Variants in RNF213 observed in about 807,000 individuals in gnomAD.
The protein encoded by RNF213 is E3 ubiquitin-protein ligase RNF213.
Under a neutral mutation model 514.4 loss-of-function variants are expected in RNF213, and 341 were observed. The observed-to-expected ratio is 0.66, with a 90% CI of 0.61 to 0.73. The LOEUF (loss-of-function observed/expected upper bound fraction) is 0.73. Ranked by LOEUF, RNF213 falls within the 30% of genes least tolerant of loss-of-function variation. The probability of loss-of-function intolerance (pLI) is 0.00; values close to 1 mark genes in which losing one functional copy is unlikely to be tolerated. For synonymous variants in RNF213, 2,655 were observed against 2,658.2 expected (o/e 1.00, Z 0.04); for missense variants, 5,767 against 6,615.6 (o/e 0.87, Z 4.45).
chr17:80,375,356 T>C (rs2079704434), intron 50 of RNF213, among the ~76,000 whole-genome samples: 1 of 152,184 alleles, frequency 6.6e-6, no homozygotes, highest in African/African-American at 2.4e-5. Flanking sequence ...GGCTGAGGCA[T>C]GTGAAAAGTT....
At chr17:80,295,038 G>A (rs753181825) in intron 9 of RNF213, 35 bp downstream of exon 9, 2 of 1,612,990 alleles carry the variant, frequency 1.2e-6, no homozygotes, top group Non-Finnish European at 1.7e-6. Context: ...CTACCTGCTG[G>A]GCAGGAGCCA....
At position 80,386,435 on chromosome 17, in the gene RNF213, G is replaced by A; in HGVS notation, c.14720+5G>A. On this transcript the variant is annotated splice_donor_5th_base_variant and intron_variant, in intron 62 of 67. Transcript: ENST00000582970. ...ACTCTCCAAGGAAAACAACAGGTTT[G>A]TGCACGAGCCACCAGGAAGTGGTGC... 2 of 1,614,076 alleles carry A rather than the reference G, an allele frequency of 1.2e-6. No individual in the cohort carries two copies. Among genetic ancestry groups the A allele is most frequent in the Non-Finnish European group, 1.7e-6 (2 of 1,180,020 alleles).
chr17:80,384,634 A>G (rs778592934), intron 59 of RNF213, among the ~76,000 whole-genome samples: 1 of 152,164 alleles, frequency 6.6e-6, no homozygotes, highest in Admixed American at 6.5e-5. Flanking sequence ...ACTACGTCGA[A>G]GATGCTTAGA....
intron 57 of RNF213, chr17:80,382,768 AG>A: frequency 2.0e-6 from 1 of 501,168 alleles, no homozygotes; most frequent in South Asian, 2.1e-5. Flanking sequence ...TATGTAGGAT[AG>A]AGGAATTTTT....
intron 57 of RNF213, chr17:80,381,945 G>T (rs572713059): frequency 7.8e-5 from 45 of 579,856 alleles, no homozygotes; most frequent in African/African-American, 6.3e-4. Context: ...GAGGCTGGAA[G>T]GAGCTGCTCT....
intron 17 of RNF213, chr17:80,319,864 A>G (rs188787035): frequency 6.0e-6 from 7 of 1,159,564 alleles, no homozygotes; most frequent in African/African-American, 1.6e-5. Context: ...CACATTTCCT[A>G]ATTGGACACT....
intron 3 of RNF213, among the ~76,000 whole-genome samples, chr17:80,273,953 C>T (rs2145153524): frequency 6.6e-6 from 1 of 152,248 alleles, no homozygotes; most frequent in East Asian, 1.9e-4. Flanking sequence ...AGACCCAATA[C>T]TCGTGTGTCT....
At chr17:80,319,794 G>T in intron 17 of RNF213, 1 of 1,233,842 alleles carries the variant, frequency 8.1e-7, no homozygotes, top group Non-Finnish European at 1.0e-6. Flanking sequence ...TGTCTCCCAG[G>T]AACAGTCTCG....
At position 80,313,074 on chromosome 17, in the gene RNF213, C is replaced by T. The variant is rs776923595; in HGVS notation, c.2718C>T (p.Thr906=). 1 of 1,614,090 alleles carries T rather than the reference C, an allele frequency of 6.2e-7. No individual in the cohort carries two copies. The highest frequency in any genetic ancestry group is 1.1e-5 in the South Asian group (1 of 91,082). The change falls in exon 15 of 68, where the codon ACC becomes ACT. Residue 906 remains threonine, a synonymous_variant. Transcript: ENST00000582970. The part of the protein sequence containing the change: ...NNSVQTVFQG[T]LAATKRWLRE... ...CAGTCCAAACAGTCTTCCAAGGGAC[C>T]CTTGCTGCTACGAAAAGGTGGCTCC...
intron 14 of RNF213, among the ~76,000 whole-genome samples, chr17:80,309,377 C>T (rs888573353): frequency 1.3e-5 from 2 of 152,142 alleles, no homozygotes; most frequent in Non-Finnish European, 2.9e-5. Flanking sequence ...GTCTGCCCTT[C>T]TGCCACCTTG....
Position 80,344,102 on chromosome 17 carries a change from ACT to A in RNF213, c.6342+89_6342+90del. On this transcript the variant is annotated intron_variant, in intron 28 of 67. Transcript: ENST00000582970. ...TGAAGTGGAATGGCGCGTTTAGGAG[ACT>A]CCACATCTTTGCCTTACTTAGTGCA... 3 of 1,413,804 alleles carry A rather than the reference ACT, an allele frequency of 2.1e-6. No homozygotes were observed. The South Asian group carries it at 3.9e-5, about 19-fold the overall frequency. The allele number at this position is 1,413,804 out of a possible 1,614,324, so 87.6% of individuals were successfully genotyped here.
rs140103634 is a variant in RNF213, at chr17:80,317,753, T to G, written c.2901+476T>G. 4.4e-4 allele frequency among the ~76,000 whole-genome samples: 67 copies of G among 152,280 alleles called. No individual in the cohort carries two copies. In the East Asian group the frequency reaches 0.013, roughly 29 times the overall value. ...TTACAGTGCTCTCTTAGCTCCGCCG[T>G]CTATGGACAGTAGTGTGTTATCAGC... is the stretch of plus-strand genomic sequence containing the variant. On this transcript the variant is annotated intron_variant, in intron 16 of 67. Coordinates refer to ENST00000582970, the MANE Select transcript of RNF213 (RefSeq NM_001256071.3). This position sits in a 1 kb window ranked among gnomAD's most constrained non-coding sequence, Gnocchi z 4.1.
intron 2 of RNF213, among the ~76,000 whole-genome samples, chr17:80,266,284 AAAAAAAG>A (rs970742952): frequency 6.6e-6 from 1 of 151,400 alleles, no homozygotes; most frequent in African/African-American, 2.4e-5. Flanking sequence ...TCTACAAAAA[AAAAAAAG>A]AAAAAAAAAT....
At chr17:80,379,010 C>T (rs962902609) in intron 54 of RNF213, among the ~76,000 whole-genome samples, 4 of 151,984 alleles carry the variant, frequency 2.6e-5, no homozygotes, top group Non-Finnish European at 5.9e-5. Flanking sequence ...CCCGTCTCTA[C>T]AAAAAAACAC....
chr17:80,391,978 G>C (rs1216181921), intron 67 of RNF213, among the ~76,000 whole-genome samples: 1 of 151,930 alleles, frequency 6.6e-6, no homozygotes, highest in Non-Finnish European at 1.5e-5. Flanking sequence ...ATGTTGACCA[G>C]GCTGGTCTCG....
At chr17:80,383,109 C>A in intron 58 of RNF213, 39 bp downstream of exon 58, 1 of 1,463,038 alleles carries the variant, frequency 6.8e-7, no homozygotes, top group South Asian at 1.1e-5. Context: ...GCTCCTCGGT[C>A]CAGAAAGGAA....
At chr17:80,334,367 G>A in intron 22 of RNF213, 97 bp downstream of exon 22, 8 of 1,323,690 alleles carry the variant, frequency 6.0e-6, no homozygotes, top group Non-Finnish European at 6.1e-6. Context: ...ACCTCCCCTT[G>A]GCCAAGGACT....
Position 80,346,809 on chromosome 17 carries a change from G to A in RNF213, c.8474G>A (p.Cys2825Tyr), listed in dbSNP as rs1489839876. 1.2e-6 allele frequency: 2 copies of A among 1,614,098 alleles called. No individual in the cohort carries two copies. The highest frequency in any genetic ancestry group is 1.7e-6 in the Non-Finnish European group (2 of 1,180,028). Residue 2825 changes from cysteine (C) to tyrosine (Y), a missense_variant, in exon 29 of 68, where the codon TGC becomes TAC. Around this residue, in one of 13 missense-constraint regions of RNF213, gnomAD observed 105 missense variants for 183.9 expected, o/e 0.57. Coordinates refer to ENST00000582970, the MANE Select transcript of RNF213 (RefSeq NM_001256071.3). This position sits in a 1 kb window ranked among gnomAD's most constrained non-coding sequence, Gnocchi z 8.1. ...GGCATCATCAGCACCTTCCGGCAGT[G>A]CGCCCGCTTTCAGCAGGGGAAGGAC... is the stretch of plus-strand genomic sequence containing the variant. ...PQGIISTFRQCARFQQGKDLQ... is the reference protein window; with the variant it reads ...PQGIISTFRQYARFQQGKDLQ...
Position 80,360,964 on chromosome 17 carries a change from C to T in RNF213, c.11200+758C>T, listed in dbSNP as rs548445974. Among the ~76,000 whole-genome samples the T allele has an allele frequency of 5.9e-5, 9 of 152,136 alleles. No homozygotes were observed. The South Asian group carries it at 1.9e-3, about 32-fold the overall frequency. Reference sequence around the variant, plus strand: ...GACCCTGCTTTTCTATGACAGCATGCGAATTAGGGGCTGCACCCCGCCCAC... The same window carrying T: ...GACCCTGCTTTTCTATGACAGCATGTGAATTAGGGGCTGCACCCCGCCCAC... On this transcript the variant is annotated intron_variant, in intron 38 of 67. Transcript: ENST00000582970.
Sources: gnomAD v4.1 joint callset for allele counts (sites outside exome capture counted in the v4.1 genomes callset) on GRCh38, gnomAD v4.1.1 for gene constraint, gnomAD v4.1.1 regional missense constraint, Gnocchi (gnomAD v3.1) non-coding constraint, MANE v1.5 for transcripts, NCBI Gene and HGNC (gene_info 2026-07-23, HGNC 2026-07-21) for gene names.